The following CRTAC1 variants were observed in gnomAD, a reference collection of about 807,000 sequenced individuals.
The protein encoded by CRTAC1 is cartilage acidic protein 1.
CRTAC1 carries 37 observed loss-of-function variants against 67.8 expected under a neutral mutation model. The ratio of observed to expected loss-of-function variants is 0.55; its 90% CI spans 0.42 to 0.72. The LOEUF is 0.72. Among genes scored for constraint, CRTAC1 ranks in the 30% least tolerant of loss-of-function variants. The probability of loss-of-function intolerance (pLI) is 0.00; values close to 1 mark genes in which losing one functional copy is unlikely to be tolerated. For missense variants in CRTAC1, 780 were observed against 931.6 expected, an observed-to-expected ratio of 0.84 and a Z score of 2.12; for synonymous variants, 348 against 371.0, an observed-to-expected ratio of 0.94 and a Z score of 0.71.
At chr10:98,004,843 C>T (rs1392184707) in intron 2 of CRTAC1, among the ~76,000 whole-genome samples, 1 of 151,274 alleles carries the variant, frequency 6.6e-6, no homozygotes, top group Non-Finnish European at 1.5e-5. Context: ...TAGAAATGTA[C>T]ATAACATAAA....
intron 2 of CRTAC1, among the ~76,000 whole-genome samples, chr10:98,001,335 T>G (rs983732981): frequency 6.6e-6 from 1 of 152,184 alleles, no homozygotes; most frequent in Non-Finnish European, 1.5e-5. Flanking sequence ...ATTCTACCTT[T>G]TACCATCTCT....
intron 1 of CRTAC1, among the ~76,000 whole-genome samples, chr10:98,024,121 G>A (rs1056634864): frequency 2.0e-5 from 3 of 152,228 alleles, no homozygotes; most frequent in African/African-American, 7.2e-5. Context: ...CTAGGTAGGT[G>A]AAGGCTGATG....
intron 2 of CRTAC1, among the ~76,000 whole-genome samples, chr10:97,938,636 T>C (rs531569071): frequency 3.9e-5 from 6 of 152,274 alleles, no homozygotes; most frequent in African/African-American, 1.2e-4. Flanking sequence ...CACAAAGTAG[T>C]GCCCCTGAGA....
At chr10:97,867,170 G>C (rs529462804) in intron 14 of CRTAC1, 3 of 152,312 alleles carry the variant, frequency 2.0e-5, no homozygotes, top group African/African-American at 7.2e-5. Flanking sequence ...TTAAGGCTTT[G>C]TAGGTGAGGT....
intron 3 of CRTAC1, among the ~76,000 whole-genome samples, chr10:97,926,178 G>A (rs1162719329): frequency 6.6e-6 from 1 of 152,210 alleles, no homozygotes; most frequent in African/African-American, 2.4e-5. Flanking sequence ...GTGGAGCCCA[G>A]AAGGGACCTG....
At position 97,975,778 on chromosome 10, in the gene CRTAC1, T is replaced by C. The variant is rs1396567210; in HGVS notation, c.224+35360A>G. On this transcript the variant is annotated intron_variant, in intron 2 of 14. Transcript: ENST00000370597. The surrounding 1 kb of genome is among the most constrained non-coding windows in gnomAD (Gnocchi z 4.8). Reference sequence around the variant, plus strand: ...GCCCTGTCTAAATGCTCCTCCGCCCTCTGTGCCAAGAGCCTCTCCACCTGC... The same window carrying C: ...GCCCTGTCTAAATGCTCCTCCGCCCCCTGTGCCAAGAGCCTCTCCACCTGC... Among the ~76,000 whole-genome samples, 2 of 152,190 alleles carry C rather than the reference T, an allele frequency of 1.3e-5. No individual in the cohort carries two copies. The highest frequency in any genetic ancestry group is 2.9e-5 in the Non-Finnish European group (2 of 68,018).
chr10:97,865,831 A>C, intron 14 of CRTAC1, 117 bp from the exon 15 acceptor site: 13 of 383,828 alleles, frequency 3.4e-5, no homozygotes, highest in Non-Finnish European at 5.4e-5. Flanking sequence ...GGTGGGAGGG[A>C]GGGTGACGGG....
chr10:98,020,175 G>A (rs556549627), intron 1 of CRTAC1, among the ~76,000 whole-genome samples: 7 of 152,252 alleles, frequency 4.6e-5, no homozygotes, highest in African/African-American at 9.6e-5. Flanking sequence ...CGCTGTCAGA[G>A]CTCCCTTCCT....
In CRTAC1 at chr10:97,950,246, C is replaced by CACACAG. The variant is rs1447953866; in HGVS notation, c.225-13881_225-13880insCTGTGT. Among the ~76,000 whole-genome samples the CACACAG allele has an allele frequency of 2.2e-4, 25 of 113,422 alleles. No homozygotes were observed. The East Asian group carries it at 2.4e-3, about 11-fold the overall frequency. 74.4% of individuals were successfully genotyped at this position (113,422 alleles called of 152,430 possible). A position where few individuals can be genotyped will look rare whatever the true frequency, so the allele number is the denominator to read the frequency against. On this transcript the variant is annotated intron_variant, in intron 2 of 14. Coordinates refer to ENST00000370597, the MANE Select transcript of CRTAC1 (RefSeq NM_018058.7). ...TTGCATGTACGTGCACACACACACA[C>CACACAG]AGAGAGAGAGAGAGAGAGAGAGAGA...
chr10:97,908,410 C>T (rs144024539), intron 5 of CRTAC1, among the ~76,000 whole-genome samples: 4 of 152,314 alleles, frequency 2.6e-5, no homozygotes, highest in African/African-American at 7.2e-5. Context: ...CCAGCATCTG[C>T]CTTCCCCTTC....
At chr10:97,986,945 A>G (rs1437453036) in intron 2 of CRTAC1, among the ~76,000 whole-genome samples, 1 of 152,234 alleles carries the variant, frequency 6.6e-6, no homozygotes, top group Non-Finnish European at 1.5e-5. Context: ...GGCAAAGCAC[A>G]GAGTTTGGTA....
intron 2 of CRTAC1, among the ~76,000 whole-genome samples, chr10:97,952,372 A>T (rs2051370115): frequency 6.6e-6 from 1 of 150,926 alleles, no homozygotes; most frequent in Non-Finnish European, 1.5e-5. Flanking sequence ...AAATAAATAA[A>T]TAAATAAATA....
intron 3 of CRTAC1, among the ~76,000 whole-genome samples, chr10:97,935,858 G>A (rs1164694871): frequency 1.3e-5 from 2 of 152,180 alleles, no homozygotes; most frequent in Non-Finnish European, 2.9e-5. Context: ...GGGCTGGAGA[G>A]GAGAGGAGGG....
In CRTAC1 at chr10:97,931,538, C is replaced by A. The variant is rs527325706; in HGVS notation, c.421+4632G>T. Among the ~76,000 whole-genome samples, 11 of 152,308 alleles carry A rather than the reference C, an allele frequency of 7.2e-5. No individual in the cohort carries two copies. In the South Asian group the frequency reaches 2.3e-3, roughly 32 times the overall value. ...AGCTCTCTGTGTACTGCCATGAAATCAAATCCAAAATGCATTGTTAAATGA... is the reference window on the plus strand; with the variant it reads ...AGCTCTCTGTGTACTGCCATGAAATAAAATCCAAAATGCATTGTTAAATGA... On this transcript the variant is annotated intron_variant, in intron 3 of 14. Transcript: ENST00000370597.
chr10:97,945,614 C>T (rs527410229), intron 2 of CRTAC1, among the ~76,000 whole-genome samples: 7 of 152,048 alleles, frequency 4.6e-5, no homozygotes, highest in Non-Finnish European at 1.0e-4. Flanking sequence ...AGGTTCTGGG[C>T]GTGATGAGAA....
intron 2 of CRTAC1, among the ~76,000 whole-genome samples, chr10:97,952,566 C>T (rs985303005): frequency 6.9e-5 from 9 of 130,956 alleles, no homozygotes; most frequent in African/African-American, 1.6e-4. Flanking sequence ...AAAAAAAGAA[C>T]GCAAATTCTA....
intron 2 of CRTAC1, among the ~76,000 whole-genome samples, chr10:98,003,466 C>T (rs1590282488): frequency 6.6e-6 from 1 of 152,220 alleles, no homozygotes; most frequent in Non-Finnish European, 1.5e-5. Context: ...AGGCCGCCCA[C>T]ATTCCTCGGC....
chr10:98,016,991 G>T (rs1326993002), intron 1 of CRTAC1, among the ~76,000 whole-genome samples: 1 of 152,184 alleles, frequency 6.6e-6, no homozygotes, highest in African/African-American at 2.4e-5. Context: ...GACTCAGGGA[G>T]CCTCTTGTCA....
intron 5 of CRTAC1, among the ~76,000 whole-genome samples, chr10:97,910,104 G>A (rs574209446): frequency 1.3e-5 from 2 of 152,328 alleles, no homozygotes; most frequent in South Asian, 4.1e-4. Context: ...TCAGTTTAAC[G>A]GGAGGAATAA....
Sources: gnomAD v4.1 joint callset for allele counts (sites outside exome capture counted in the v4.1 genomes callset) on GRCh38, gnomAD v4.1.1 for gene constraint, Gnocchi (gnomAD v3.1) non-coding constraint, MANE v1.5 for transcripts, NCBI Gene and HGNC (gene_info 2026-07-23, HGNC 2026-07-21) for gene names.